Variants in AGBL3 observed in about 807,000 individuals in gnomAD.
The protein encoded by AGBL3 is cytosolic carboxypeptidase 3.
AGBL3 carries 68 observed loss-of-function variants against 94.5 expected under a neutral mutation model. That is an observed-to-expected ratio of 0.72 (90% CI 0.59 to 0.88). The LOEUF is 0.88. Among genes scored for constraint, AGBL3 ranks in the 40% least tolerant of loss-of-function variants. The pLI is 0.00. For synonymous variants in AGBL3, 354 were observed against 370.7 expected (o/e 0.95, Z 0.52); for missense variants, 934 against 1,103.8 (o/e 0.85, Z 2.18).
intron 4 of AGBL3, 60 bp downstream of exon 4, chr7:134,993,738 T>C (rs1004276178): frequency 8.3e-6 from 11 of 1,318,496 alleles, no homozygotes; most frequent in Non-Finnish European, 9.0e-6. Flanking sequence ...CCAACCTTAA[T>C]TTTAATGAGG....
At chr7:135,037,208 C>T (rs1028677895) in intron 7 of AGBL3, among the ~76,000 whole-genome samples, 1 of 152,166 alleles carries the variant, frequency 6.6e-6, no homozygotes, top group Non-Finnish European at 1.5e-5. Flanking sequence ...GCATGAGCCA[C>T]TGCGCTCGGC....
At chr7:135,037,965 T>C (rs1331173438) in intron 8 of AGBL3, among the ~76,000 whole-genome samples, 1 of 152,126 alleles carries the variant, frequency 6.6e-6, no homozygotes, top group Non-Finnish European at 1.5e-5. Context: ...TAACAGTTTC[T>C]TCAAAGTATT....
At chr7:135,106,323 T>G (rs1429516314) in intron 15 of AGBL3, among the ~76,000 whole-genome samples, 1 of 152,230 alleles carries the variant, frequency 6.6e-6, no homozygotes, top group Non-Finnish European at 1.5e-5. Flanking sequence ...AGGGGAATGC[T>G]TCCAGCTTTT....
At chr7:135,023,793 C>T (rs1193747278) in intron 5 of AGBL3, among the ~76,000 whole-genome samples, 3 of 152,222 alleles carry the variant, frequency 2.0e-5, no homozygotes, top group Non-Finnish European at 4.4e-5. Context: ...TGCCTAGCTG[C>T]TCCTGCAGGA....
intron 5 of AGBL3, among the ~76,000 whole-genome samples, chr7:135,027,712 G>C (rs1361104446): frequency 6.6e-6 from 1 of 151,226 alleles, no homozygotes; most frequent in East Asian, 2.1e-4. Flanking sequence ...AGCCTCTGTT[G>C]TCTTTAATAA....
chr7:135,120,830 A>T (rs1223968389), intron 16 of AGBL3, among the ~76,000 whole-genome samples: 1 of 152,218 alleles, frequency 6.6e-6, no homozygotes, highest in Non-Finnish European at 1.5e-5. Flanking sequence ...GAGGAAAGAA[A>T]ATTATCAAAG....
At chr7:134,997,604 G>A (rs1333528798) in intron 4 of AGBL3, among the ~76,000 whole-genome samples, 1 of 152,112 alleles carries the variant, frequency 6.6e-6, no homozygotes, top group East Asian at 1.9e-4. Context: ...AATTGATACT[G>A]TGTGTCCAAG....
At chr7:135,038,936 A>T (rs1306901580) in intron 8 of AGBL3, among the ~76,000 whole-genome samples, 1 of 151,170 alleles carries the variant, frequency 6.6e-6, no homozygotes, top group Non-Finnish European at 1.5e-5. Context: ...TCCAGCCTGG[A>T]CGATAGAGCG....
intron 6 of AGBL3, among the ~76,000 whole-genome samples, chr7:135,033,525 G>T (rs1815990256): frequency 1.3e-5 from 2 of 152,120 alleles, no homozygotes; most frequent in Non-Finnish European, 2.9e-5. Context: ...AAGTTACTTA[G>T]TAGAGAAAAA....
At chr7:135,123,763 T>C (rs1827473253) in intron 16 of AGBL3, among the ~76,000 whole-genome samples, 1 of 152,156 alleles carries the variant, frequency 6.6e-6, no homozygotes, top group Non-Finnish European at 1.5e-5. Flanking sequence ...AAAAAAAATT[T>C]CAACCCAGAA....
At chr7:135,083,834 CAA>C (rs1821113627) in intron 15 of AGBL3, among the ~76,000 whole-genome samples, 1 of 152,040 alleles carries the variant, frequency 6.6e-6, no homozygotes, top group Non-Finnish European at 1.5e-5. Flanking sequence ...AAAGAATTAC[CAA>C]AAGAGTTTAT....
intron 13 of AGBL3, among the ~76,000 whole-genome samples, chr7:135,078,017 G>A (rs2086135663): frequency 6.6e-6 from 1 of 152,236 alleles, no homozygotes; most frequent in East Asian, 1.9e-4. Context: ...GCTACCTACT[G>A]CAACAACACT....
At chr7:134,991,812 A>G (rs2133367198) in intron 3 of AGBL3, among the ~76,000 whole-genome samples, 1 of 149,122 alleles carries the variant, frequency 6.7e-6, no homozygotes, top group African/African-American at 2.6e-5. Context: ...TCCAAACTTT[A>G]GTAAACAGAA....
chr7:135,129,470 C>T lies in AGBL3; in HGVS notation c.2343-5371C>T, dbSNP rs1464549752. 1.7e-5 allele frequency: 13 copies of T among 774,556 alleles called. No homozygotes were observed. The East Asian group carries it at 3.2e-4, about 19-fold the overall frequency. 48.0% of individuals were successfully genotyped at this position (774,556 alleles called of 1,614,324 possible). On this transcript the variant is annotated intron_variant, in intron 16 of 16. Transcript: ENST00000436302. Reference sequence around the variant, plus strand: ...GTAAGGAGTGGCTAGAGAAAAACTTCAAGAACTGACCATGTTGTGGAACTC... The same window carrying T: ...GTAAGGAGTGGCTAGAGAAAAACTTTAAGAACTGACCATGTTGTGGAACTC...
At chr7:135,031,054 CTCTTA>C (rs762793802) in intron 5 of AGBL3, among the ~76,000 whole-genome samples, 1 of 151,650 alleles carries the variant, frequency 6.6e-6, no homozygotes, top group African/African-American at 2.4e-5. Flanking sequence ...TTCTCATGAT[CTCTTA>C]TCTTTTCATT....
chr7:135,001,233 C>T (rs1209003641), intron 4 of AGBL3, among the ~76,000 whole-genome samples: 1 of 152,140 alleles, frequency 6.6e-6, no homozygotes, highest in Non-Finnish European at 1.5e-5. Flanking sequence ...AACTGTAGTC[C>T]ACATTAGGAT....
chr7:135,009,195 T>C (rs1812790275), intron 4 of AGBL3, among the ~76,000 whole-genome samples: 1 of 152,186 alleles, frequency 6.6e-6, no homozygotes, highest in Non-Finnish European at 1.5e-5. Context: ...CGGCAGCATT[T>C]TTCTTAGTGC....
At chr7:135,117,377 C>T (rs1279652327) in intron 16 of AGBL3, among the ~76,000 whole-genome samples, 3 of 152,128 alleles carry the variant, frequency 2.0e-5, no homozygotes, top group African/African-American at 7.2e-5. Flanking sequence ...GGTTTCAGCC[C>T]TATGATTACA....
chr7:135,002,306 G>C (rs755615702), intron 4 of AGBL3, among the ~76,000 whole-genome samples: 2 of 152,162 alleles, frequency 1.3e-5, no homozygotes, highest in African/African-American at 4.8e-5. Flanking sequence ...GGGGCTTCCA[G>C]TTGTCCTCTC....
Sources: allele counts gnomAD v4.1 joint callset (sites outside exome capture counted in the v4.1 genomes callset), GRCh38; gene constraint gnomAD v4.1.1; transcripts MANE v1.5; gene names NCBI Gene and HGNC (gene_info 2026-07-23, HGNC 2026-07-21).